MIER1: variants seen among roughly 807,000 people sequenced by gnomAD.
MIER1 encodes mesoderm induction early response protein 1.
In MIER1, 40 loss-of-function variants were observed where a neutral mutation model predicts 75.7. The ratio of observed to expected loss-of-function variants is 0.53; its 90% confidence interval spans 0.41 to 0.69. MIER1 has a LOEUF of 0.69. MIER1 is among the 30% of genes least tolerant of loss of function. The pLI is 0.00. For synonymous variants in MIER1, 213 were observed against 223.4 expected (o/e 0.95, Z 0.42); for missense variants, 574 against 680.2 (o/e 0.84, Z 1.74).
chr1:66,981,912 C>A lies in MIER1; in HGVS notation c.1363C>A (p.Gln455Lys). ...AGATGGCACTGTAAGCACTGCTAAT[C>A]AAAATGGTAAGCAACCAGAGAAACA... is the stretch of plus-strand genomic sequence containing the variant. ...KEDGTVSTANQNGVSSNGPGE... is the reference protein window; with the variant it reads ...KEDGTVSTANKNGVSSNGPGE... The change falls in exon 13 of 14, where the codon CAA becomes AAA. Residue 455 changes from glutamine (Q) to lysine (K), a missense_variant. By Grantham distance (53) the Gln-to-Lys change is moderately conservative. Coordinates refer to ENST00000401041, the MANE Select transcript of MIER1 (RefSeq NM_001077700.3). The A allele has an allele frequency of 1.2e-6, 2 of 1,613,574 alleles. No homozygotes were observed. The highest frequency in any genetic ancestry group is 1.3e-5 in the African/African-American group (1 of 75,022).
intron 12 of MIER1, among the ~76,000 whole-genome samples, chr1:66,977,846 A>T (rs1665040009): frequency 6.6e-6 from 1 of 152,142 alleles, no homozygotes; most frequent in African/African-American, 2.4e-5. Context: ...AAAAAAATTG[A>T]CTTTGTCAAT....
intron 4 of MIER1, among the ~76,000 whole-genome samples, chr1:66,951,155 A>G (rs1658839381): frequency 6.6e-6 from 1 of 152,174 alleles, no homozygotes; most frequent in African/African-American, 2.4e-5. Flanking sequence ...ATTAGGGCAG[A>G]CTTAACTTGA....
Position 66,930,202 on chromosome 1 carries a change from C to A in MIER1, c.168+3960C>A, listed in dbSNP as rs974249664. ...TCCCTCCAGTCCAGCCCAGCCGGGG[C>A]GCCGCGAGGGGGCGGAGTGGGGTGT... On this transcript the variant is annotated intron_variant, in intron 2 of 13. Coordinates refer to ENST00000401041, the MANE Select transcript of MIER1 (RefSeq NM_001077700.3). 5.8e-6 allele frequency: 8 copies of A among 1,367,760 alleles called. No homozygotes were observed. In the South Asian group the frequency reaches 6.8e-5, roughly 12 times the overall value. The allele number at this position is 1,367,760 out of a possible 1,614,324, so 84.7% of individuals were successfully genotyped here.
At position 66,977,885 on chromosome 1, in the gene MIER1, G is replaced by C. The variant is rs545979081; in HGVS notation, c.1229+1163G>C. Among the ~76,000 whole-genome samples the C allele has an allele frequency of 5.3e-5, 8 of 152,190 alleles. No homozygotes were observed. In the East Asian group the frequency reaches 1.5e-3, roughly 29 times the overall value. On this transcript the variant is annotated intron_variant, in intron 12 of 13. Transcript: ENST00000401041. Reference sequence around the variant, plus strand: ...CTCCAGTAAAGATGTTCTTAAAGCTGACCAAATAATTACCTTCGAAAGATG... The same window carrying C: ...CTCCAGTAAAGATGTTCTTAAAGCTCACCAAATAATTACCTTCGAAAGATG...
intron 8 of MIER1, among the ~76,000 whole-genome samples, chr1:66,964,886 T>G (rs1266510221): frequency 6.6e-6 from 1 of 152,176 alleles, no homozygotes; most frequent in Non-Finnish European, 1.5e-5. Context: ...TTAATAGAAG[T>G]TTTTTGTTGT....
At chr1:66,956,031 G>T (rs2031495) in intron 4 of MIER1, among the ~76,000 whole-genome samples, 127,086 of 152,210 alleles carry the variant, frequency 0.83, 53,445 homozygotes, top group African/African-American at 0.91. Context: ...CTGCTTTCAT[G>T]GTTGCAAGAG....
At chr1:66,983,472 A>T (rs1043000840) in intron 13 of MIER1, among the ~76,000 whole-genome samples, 29 of 150,598 alleles carry the variant, frequency 1.9e-4, no homozygotes, top group African/African-American at 6.2e-4. Context: ...GATGCACCCT[A>T]TATTTTACTT....
intron 4 of MIER1, among the ~76,000 whole-genome samples, chr1:66,949,254 ATGAG>A (rs1391831461): frequency 6.6e-6 from 1 of 152,082 alleles, no homozygotes; most frequent in Non-Finnish European, 1.5e-5. Flanking sequence ...ATAATGGGTT[ATGAG>A]TTAGTTATTT....
In MIER1 at chr1:66,970,965, T is replaced by C. The variant is rs1335638914; in HGVS notation, c.924+6T>C. ...ACATAAAAGACAATGAACAGGTCTGTGAAAGAAACAACTGTTAGAACTTTG... is the reference window on the plus strand; with the variant it reads ...ACATAAAAGACAATGAACAGGTCTGCGAAAGAAACAACTGTTAGAACTTTG... On this transcript the variant is annotated splice_donor_region_variant and intron_variant, in intron 9 of 13. Transcript: ENST00000401041. 6.4e-7 allele frequency: 1 copy of C among 1,571,058 alleles called. No homozygotes were observed. Among genetic ancestry groups the C allele is most frequent in the Admixed American group, 2.2e-5 (1 of 46,498 alleles).
intron 8 of MIER1, among the ~76,000 whole-genome samples, chr1:66,967,166 C>A (rs995892148): frequency 6.6e-6 from 1 of 152,068 alleles, no homozygotes; most frequent in South Asian, 2.1e-4. Flanking sequence ...AGTCTTTAAT[C>A]TATTTTGGTT....
chr1:66,930,544 G>C lies in MIER1; in HGVS notation c.168+4302G>C, dbSNP rs1230487157. On this transcript the variant is annotated intron_variant, in intron 2 of 13. Coordinates refer to ENST00000401041, the MANE Select transcript of MIER1 (RefSeq NM_001077700.3). ...TGTTGTCCGGAACAGGCCATTCTCT[G>C]GGCGGGAGCTTCGCCTGGAACTTAG... 9.9e-6 allele frequency: 8 copies of C among 810,556 alleles called. 1 individual carries two copies. The South Asian group carries it at 1.5e-4, about 15-fold the overall frequency. The allele number at this position is 810,556 out of a possible 1,614,324, so 50.2% of individuals were successfully genotyped here.
intron 8 of MIER1, among the ~76,000 whole-genome samples, chr1:66,965,607 ACAT>A (rs1284725170): frequency 6.6e-6 from 1 of 152,194 alleles, no homozygotes; most frequent in African/African-American, 2.4e-5. Flanking sequence ...TGTAACAACC[ACAT>A]CATGGCAAAT....
intron 2 of MIER1, among the ~76,000 whole-genome samples, chr1:66,938,051 T>G: frequency 6.6e-6 from 1 of 152,254 alleles, no homozygotes; most frequent in East Asian, 1.9e-4. Flanking sequence ...CTTTGAACAC[T>G]GGGTGTTCTA....
Position 66,985,284 on chromosome 1 carries a change from T to G in MIER1, c.*384T>G. ...ACAAGGTAATTTTTGCTTAGTTTGATGGATGAATGGGAAACTCAAGTCCAA... is the reference window on the plus strand; with the variant it reads ...ACAAGGTAATTTTTGCTTAGTTTGAGGGATGAATGGGAAACTCAAGTCCAA... On this transcript the variant is annotated 3_prime_UTR_variant, in exon 14 of 14. Coordinates refer to ENST00000401041, the MANE Select transcript of MIER1 (RefSeq NM_001077700.3). 2 of 984,344 alleles carry G rather than the reference T, an allele frequency of 2.0e-6. No homozygotes were observed. The highest frequency in any genetic ancestry group is 2.4e-6 in the Non-Finnish European group (2 of 828,732). The allele number at this position is 984,344 out of a possible 1,614,324, so 61.0% of individuals were successfully genotyped here.
intron 1 of MIER1, 121 bp downstream of exon 1, chr1:66,925,216 A>G: frequency 2.2e-6 from 3 of 1,392,704 alleles, no homozygotes; most frequent in Non-Finnish European, 2.8e-6. Context: ...TACCGCCCGG[A>G]AGACCCTTAA....
intron 4 of MIER1, among the ~76,000 whole-genome samples, chr1:66,951,564 GTA>G (rs1235755841): frequency 1.6e-5 from 2 of 125,372 alleles, no homozygotes; most frequent in Non-Finnish European, 3.3e-5. Context: ...AATATAGTGT[GTA>G]TTCCTGTTTT....
Position 66,985,814 on chromosome 1 carries a change from ATTTTTTTTTT to A in MIER1, c.*928_*937del, listed in dbSNP as rs150870135. ...TAAAGCATTCATAAAGGATTATAAAATTTTTTTTTTTTTTTTTTTTTTTAAATTTCTACTT... is the reference window on the plus strand; with the variant it reads ...TAAAGCATTCATAAAGGATTATAAAATTTTTTTTTTTTTAAATTTCTACTT... On this transcript the variant is annotated 3_prime_UTR_variant, in exon 14 of 14. Coordinates refer to ENST00000401041, the MANE Select transcript of MIER1 (RefSeq NM_001077700.3). 1.7e-6 allele frequency: 1 copy of A among 578,690 alleles called. No individual in the cohort carries two copies. Among genetic ancestry groups the A allele is most frequent in the Non-Finnish European group, 2.1e-6 (1 of 470,266 alleles). The allele number at this position is 578,690 out of a possible 1,614,324, so 35.8% of individuals were successfully genotyped here. A position where few individuals can be genotyped will look rare whatever the true frequency, so the allele number is the denominator to read the frequency against.
rs1654988522 is a variant in MIER1, at chr1:66,936,892, G to A, written c.169-3136G>A. On this transcript the variant is annotated intron_variant, in intron 2 of 13. Coordinates refer to ENST00000401041, the MANE Select transcript of MIER1 (RefSeq NM_001077700.3). ...TGTGCACCTGTAGTCCCAGCTACTC[G>A]GGAGGCTGAGGCAGGGGAATTGCTT... Among the ~76,000 whole-genome samples, 4 of 150,952 alleles carry A rather than the reference G, an allele frequency of 2.6e-5. No individual in the cohort carries two copies. The South Asian group carries it at 6.3e-4, about 24-fold the overall frequency.
intron 11 of MIER1, among the ~76,000 whole-genome samples, chr1:66,976,389 T>C (rs1664738382): frequency 6.6e-6 from 1 of 152,228 alleles, no homozygotes; most frequent in Non-Finnish European, 1.5e-5. Context: ...GCTGTATATC[T>C]GAAGACCTGT....
Sources: gnomAD v4.1 joint callset for allele counts (sites outside exome capture counted in the v4.1 genomes callset) on GRCh38, gnomAD v4.1.1 for gene constraint, MANE v1.5 for transcripts, NCBI Gene and HGNC (gene_info 2026-07-23, HGNC 2026-07-21) for gene names.